The following SPNS2 variants were observed in gnomAD, a reference collection of about 807,000 sequenced individuals.
SPNS2 encodes the protein SPNS lysolipid transporter 2, sphingosine-1-phosphate.
Under a neutral mutation model 57.6 loss-of-function variants are expected in SPNS2, and 37 were observed. The observed-to-expected ratio is 0.64, with a 90% CI of 0.49 to 0.85. The LOEUF (loss-of-function observed/expected upper bound fraction) is 0.85. Among genes scored for constraint, SPNS2 ranks in the 40% least tolerant of loss-of-function variants. The probability of loss-of-function intolerance (pLI) is 0.00; values close to 1 mark genes in which losing one functional copy is unlikely to be tolerated. For synonymous variants in SPNS2, 440 were observed against 346.9 expected, an observed-to-expected ratio of 1.27 and a Z score of -2.98; for missense variants, 831 against 779.1, an observed-to-expected ratio of 1.07 and a Z score of -0.79.
At chr17:4,516,087 G>C (rs1015946023) in intron 2 of SPNS2, among the ~76,000 whole-genome samples, 3 of 152,202 alleles carry the variant, frequency 2.0e-5, no homozygotes, top group Non-Finnish European at 4.4e-5. Flanking sequence ...GCTGAGGCAG[G>C]TGGATCATCT....
intron 3 of SPNS2, among the ~76,000 whole-genome samples, chr17:4,528,822 G>A (rs1417796565): frequency 6.6e-6 from 1 of 152,098 alleles, no homozygotes; most frequent in African/African-American, 2.4e-5. Flanking sequence ...CACCTAGGCT[G>A]ATATGCAGTG....
In SPNS2 at chr17:4,533,133, G is replaced by C. The variant is rs749710481; in HGVS notation, c.1088+4G>C. The stretch of plus-strand genomic sequence containing the variant: ...CGCCCTGTGGGGCCAAGGACAGGTG[G>C]GGCCCCGCGGGGTGGGCCCAGGGCT... On this transcript the variant is annotated splice_donor_region_variant and intron_variant, in intron 7 of 12. Transcript: ENST00000329078. 36 of 1,604,088 alleles carry C rather than the reference G, an allele frequency of 2.2e-5. No homozygotes were observed. The highest frequency in any genetic ancestry group is 1.4e-5 in the Non-Finnish European group (16 of 1,174,982).
intron 1 of SPNS2, among the ~76,000 whole-genome samples, chr17:4,505,420 C>T (rs1904646842): frequency 6.6e-6 from 1 of 152,136 alleles, no homozygotes; most frequent in Non-Finnish European, 1.5e-5. Context: ...TTGTTCTGAC[C>T]AGGGCTCACA....
chr17:4,515,147 G>T (rs576313511), intron 2 of SPNS2, among the ~76,000 whole-genome samples: 4 of 152,082 alleles, frequency 2.6e-5, no homozygotes, highest in Admixed American at 2.6e-4. Context: ...TTCTTTCTGC[G>T]GTTCTGTCCC....
At chr17:4,523,157 G>A (rs983316069) in intron 2 of SPNS2, among the ~76,000 whole-genome samples, 2 of 152,256 alleles carry the variant, frequency 1.3e-5, no homozygotes, top group African/African-American at 4.8e-5. Flanking sequence ...AAATTGTGGT[G>A]GCCGGGTGCA....
chr17:4,538,120 T>G lies in SPNS2; in HGVS notation c.*672T>G, dbSNP rs927685669. ...TGGAGGTCCCAGATGGGGACTGTTC[T>G]GACAAGCTGGCATCACCAGGGGTGA... On this transcript the variant is annotated 3_prime_UTR_variant, in exon 13 of 13. Transcript: ENST00000329078. 1.6e-5 allele frequency: 5 copies of G among 311,588 alleles called. No individual in the cohort carries two copies. The highest frequency in any genetic ancestry group is 1.1e-4 in the African/African-American group (5 of 46,230). The allele number at this position is 311,588 out of a possible 1,614,324, so 19.3% of individuals were successfully genotyped here.
At chr17:4,530,524 C>T in intron 3 of SPNS2, 108 bp from the exon 4 acceptor site, 3 of 1,353,650 alleles carry the variant, frequency 2.2e-6, no homozygotes, top group Non-Finnish European at 3.1e-6. Flanking sequence ...TCACCCTTCT[C>T]TCCCCTGGCT....
intron 11 of SPNS2, 187 bp from the exon 12 acceptor site, chr17:4,536,706 TCTTTCTC>T: frequency 1.6e-6 from 1 of 635,210 alleles, no homozygotes; most frequent in South Asian, 1.9e-5. Context: ...CTTTCTGACT[TCTTTCTC>T]CTTTCCTCTT....
chr17:4,530,584 C>T (rs2144360501), intron 3 of SPNS2, 48 bp from the exon 4 acceptor site: 2 of 1,578,382 alleles, frequency 1.3e-6, no homozygotes, highest in Non-Finnish European at 8.6e-7. Flanking sequence ...GGATGACAGG[C>T]AGACGGTGGG....
intron 2 of SPNS2, among the ~76,000 whole-genome samples, chr17:4,520,440 G>A (rs1019842049): frequency 1.2e-4 from 19 of 152,116 alleles, no homozygotes; most frequent in African/African-American, 4.1e-4. Context: ...CCAGTCCCTC[G>A]TCACCCCCCC....
intron 3 of SPNS2, among the ~76,000 whole-genome samples, chr17:4,527,806 G>C (rs1905299946): frequency 6.6e-6 from 1 of 152,140 alleles, no homozygotes; most frequent in Non-Finnish European, 1.5e-5. Flanking sequence ...AGTGTAAATT[G>C]GTAGAGGCTC....
intron 1 of SPNS2, among the ~76,000 whole-genome samples, chr17:4,507,760 G>T (rs538982549): frequency 6.6e-6 from 1 of 152,214 alleles, no homozygotes; most frequent in African/African-American, 2.4e-5. Flanking sequence ...AAAGCAGGGG[G>T]TACGCGGGGA....
At position 4,499,528 on chromosome 17, in the gene SPNS2, C is replaced by A; in HGVS notation, c.370+111C>A. The A allele has an allele frequency of 1.5e-6, 1 of 660,026 alleles. No homozygotes were observed. The highest frequency in any genetic ancestry group is 2.3e-6 in the Non-Finnish European group (1 of 443,614). 40.9% of individuals were successfully genotyped at this position (660,026 alleles called of 1,614,324 possible). On this transcript the variant is annotated intron_variant, in intron 1 of 12. Transcript: ENST00000329078. This position sits in a 1 kb window ranked among gnomAD's most constrained non-coding sequence, Gnocchi z 5.2. ...TGGTCTCAGGCCTGCTATCTCCAGG[C>A]CCTACGTGAGGTCCCTACGGACCCT...
intron 9 of SPNS2, among the ~76,000 whole-genome samples, chr17:4,534,849 C>T (rs1450646517): frequency 1.3e-5 from 2 of 152,090 alleles, no homozygotes; most frequent in Non-Finnish European, 2.9e-5. Context: ...GCTCTTGGTG[C>T]TGGGCAGGAC....
In SPNS2 at chr17:4,530,741, C is replaced by T. The variant is rs531290664; in HGVS notation, c.683C>T (p.Thr228Met). The change falls in exon 4 of 13, where the codon ACG becomes ATG. Residue 228 changes from threonine (T) to methionine (M), a missense_variant. Thr to Met is a moderately conservative substitution (Grantham distance 81, BLOSUM62 -1). This residue lies in a region of SPNS2 where 305 missense variants were observed against 378.3 expected (regional missense o/e 0.81). Coordinates refer to ENST00000329078, the MANE Select transcript of SPNS2 (RefSeq NM_001124758.3). ...GACCTCTTCACCAAGAACACGCGTA[C>T]GCTCATGCTGTCCGTCTTCTACTTC... The part of the protein sequence containing the change: ...IGDLFTKNTR[T>M]LMLSVFYFAI... 8 of 1,614,064 alleles carry T rather than the reference C, an allele frequency of 5.0e-6. No homozygotes were observed. Among genetic ancestry groups the T allele is most frequent in the South Asian group, 2.2e-5 (2 of 91,080 alleles).
chr17:4,527,710 G>A (rs1025894008), intron 3 of SPNS2, among the ~76,000 whole-genome samples: 8 of 152,116 alleles, frequency 5.3e-5, no homozygotes, highest in African/African-American at 1.2e-4. Flanking sequence ...TTTCACACCC[G>A]TCAGATTGGC....
At position 4,533,273 on chromosome 17, in the gene SPNS2, G is replaced by A. The variant is rs900818484; in HGVS notation, c.1119G>A (p.Thr373=). The change falls in exon 8 of 13, where the codon ACG becomes ACA. Residue 373 remains threonine, a synonymous_variant. Transcript: ENST00000329078. ...SLIFGAITCF[T]GFLGVVTGAG... ...TCTTTGGGGCCATCACCTGCTTTAC[G>A]GGATTTCTGGGCGTGGTCACGGGGG... 8 of 1,608,364 alleles carry A rather than the reference G, an allele frequency of 5.0e-6. No individual in the cohort carries two copies. Among genetic ancestry groups the A allele is most frequent in the Non-Finnish European group, 6.8e-6 (8 of 1,177,086 alleles).
intron 1 of SPNS2, among the ~76,000 whole-genome samples, chr17:4,500,137 C>A (rs1269753268): frequency 6.6e-6 from 1 of 152,184 alleles, no homozygotes; most frequent in African/African-American, 2.4e-5. Flanking sequence ...GCCTCTGGAG[C>A]TAGAGACGTG....
chr17:4,506,749 T>TC (rs1177634796), intron 1 of SPNS2, among the ~76,000 whole-genome samples: 2 of 152,030 alleles, frequency 1.3e-5, no homozygotes, highest in Non-Finnish European at 2.9e-5. Flanking sequence ...GGGGGCCTCA[T>TC]CCTCATGGTC....
Sources: gnomAD v4.1 joint callset for allele counts (sites outside exome capture counted in the v4.1 genomes callset) on GRCh38, gnomAD v4.1.1 for gene constraint, gnomAD v4.1.1 regional missense constraint, Gnocchi (gnomAD v3.1) non-coding constraint, MANE v1.5 for transcripts, NCBI Gene and HGNC (gene_info 2026-07-23, HGNC 2026-07-21) for gene names.